The following NIPSNAP3B variants were observed in gnomAD, a reference collection of about 807,000 sequenced individuals.
The protein encoded by NIPSNAP3B is protein NipSnap homolog 3B.
In NIPSNAP3B, 30 loss-of-function variants were observed where a neutral mutation model predicts 31.5. The observed-to-expected ratio is 0.95, with a 90% CI of 0.71 to 1.29. The LOEUF (loss-of-function observed/expected upper bound fraction) is 1.29. NIPSNAP3B is among the 50% of genes most tolerant of loss of function. The pLI is 0.00. For missense variants in NIPSNAP3B, 269 were observed against 300.7 expected (o/e 0.89, Z 0.78); for synonymous variants, 106 against 107.9 (o/e 0.98, Z 0.11).
At chr9:104,784,082 T>G in the NIPSNAP3B span, 7 of 530,246 alleles carry the variant, frequency 1.3e-5, no homozygotes, top group African/African-American at 1.3e-4. Flanking sequence ...AAAAACTAAA[T>G]TCAAGTCTTT....
chr9:104,786,826 A>C, the NIPSNAP3B span: 1 of 1,498,624 alleles, frequency 6.7e-7, no homozygotes, highest in Non-Finnish European at 9.3e-7. Flanking sequence ...TTCTACTTGG[A>C]AAGTTAAAAC....
At chr9:104,785,327 A>C in the NIPSNAP3B span, 16 of 1,596,844 alleles carry the variant, frequency 1.0e-5, no homozygotes, top group Non-Finnish European at 1.4e-5. Context: ...TCTTGGACCT[A>C]TGGGCGGGAG....
In NIPSNAP3B at chr9:104,772,986, T is replaced by C; in HGVS notation, c.668-11T>C. The C allele has an allele frequency of 6.2e-7, 1 of 1,614,120 alleles. No individual in the cohort carries two copies. On this transcript the variant is annotated splice_polypyrimidine_tract_variant and intron_variant, in intron 5 of 5. Transcript: ENST00000374762. ...AATAACTGTATGCCTTCTTATGAAA[T>C]GTTTTTCCAGTTCGGGAAAGTGTCA...
Position 104,777,086 on chromosome 9 carries a change from T to C in NIPSNAP3B, c.*4013T>C, listed in dbSNP as rs1828352868. Reference sequence around the variant, plus strand: ...AATACCATTGTCTGTTGGTTATAAGTTGCTGTCACAGACTATGAAGGTATT... The same window carrying C: ...AATACCATTGTCTGTTGGTTATAAGCTGCTGTCACAGACTATGAAGGTATT... On this transcript the variant is annotated 3_prime_UTR_variant, in exon 6 of 6. Coordinates refer to ENST00000374762, the MANE Select transcript of NIPSNAP3B (RefSeq NM_018376.4). 6.6e-6 allele frequency: 1 copy of C among 152,222 alleles called. No individual in the cohort carries two copies. Among genetic ancestry groups the C allele is most frequent in the Admixed American group, 6.5e-5 (1 of 15,288 alleles). The allele number at this position is 152,222 out of a possible 1,614,324, so 9.4% of individuals were successfully genotyped here.
chr9:104,787,876 C>T, the NIPSNAP3B span: 1 of 1,613,884 alleles, frequency 6.2e-7, no homozygotes, highest in East Asian at 2.2e-5. Flanking sequence ...TCATGTTTTC[C>T]ACTCAGGCCA....
At chr9:104,784,790 C>A in the NIPSNAP3B span, among the ~76,000 whole-genome samples, 127 of 152,222 alleles carry the variant, frequency 8.3e-4, no homozygotes, top group African/African-American at 2.8e-3. Context: ...ACTACAAGTG[C>A]GCACCACCAT....
rs1366408405 is a variant in NIPSNAP3B at position 104,765,335 on chromosome 9, C to T, written c.61-990C>T. ...TGGGTAGTGAGCCTCAGGAAATTGT[C>T]ACATGCTAACCATGCCTAAATGAAT... On this transcript the variant is annotated intron_variant, in intron 1 of 5. Coordinates refer to ENST00000374762, the MANE Select transcript of NIPSNAP3B (RefSeq NM_018376.4). Among the ~76,000 whole-genome samples the T allele has an allele frequency of 2.6e-5, 4 of 152,326 alleles. No homozygotes were observed. In the East Asian group the frequency reaches 5.8e-4, roughly 22 times the overall value.
In NIPSNAP3B at chr9:104,769,040, G is replaced by T. The variant is rs894851776; in HGVS notation, c.430+19G>T. On this transcript the variant is annotated intron_variant, in intron 3 of 5. Transcript: ENST00000374762. ...AAAGAAGGTGAGTTCTTCCCTCTTA[G>T]ACTATGAGTTTTAATGAGTAAAATA... The T allele has an allele frequency of 1.3e-6, 2 of 1,597,112 alleles. No individual in the cohort carries two copies. Among genetic ancestry groups the T allele is most frequent in the South Asian group, 1.1e-5 (1 of 89,352 alleles).
chr9:104,787,117 T>G, the NIPSNAP3B span: 10 of 662,638 alleles, frequency 1.5e-5, no homozygotes, highest in African/African-American at 1.8e-4. Context: ...ATCAAAGAAT[T>G]AGAGTAACTT....
the NIPSNAP3B span, chr9:104,784,551 T>C: frequency 1.4e-6 from 2 of 1,432,962 alleles, no homozygotes; most frequent in Non-Finnish European, 1.9e-6. Context: ...TTAGGTCAAG[T>C]AGGAGCATAC....
rs550090437 is a variant in NIPSNAP3B, at chr9:104,764,700, C to T, written c.60+400C>T. On this transcript the variant is annotated intron_variant, in intron 1 of 5. Coordinates refer to ENST00000374762, the MANE Select transcript of NIPSNAP3B (RefSeq NM_018376.4). ...AATTACAGGCGCCAGCCACCACGCC[C>T]GGCTAATTTTTTTTGTGTTTACTAT... Among the ~76,000 whole-genome samples the T allele has an allele frequency of 3.9e-5, 6 of 152,248 alleles. No individual in the cohort carries two copies. The South Asian group carries it at 1.2e-3, about 32-fold the overall frequency.
chr9:104,773,211 A>AT lies in NIPSNAP3B; in HGVS notation c.*143dup. On this transcript the variant is annotated 3_prime_UTR_variant, in exon 6 of 6. Transcript: ENST00000374762. ...TTAGTTAATTTGCTGTGCTTCTTGC[A>AT]TTTTTGAAAGTTACATATTCTCCAC... The AT allele has an allele frequency of 2.5e-6, 2 of 813,202 alleles. No individual in the cohort carries two copies. The highest frequency in any genetic ancestry group is 3.7e-4 in the Middle Eastern group (1 of 2,734). 50.4% of individuals were successfully genotyped at this position (813,202 alleles called of 1,614,324 possible).
chr9:104,786,879 G>C, the NIPSNAP3B span: 1 of 1,613,340 alleles, frequency 6.2e-7, no homozygotes. Context: ...GGACCTATGA[G>C]ATGTAAGCAC....
chr9:104,786,445 G>T, the NIPSNAP3B span: 1 of 1,467,878 alleles, frequency 6.8e-7, no homozygotes, highest in Non-Finnish European at 9.5e-7. Flanking sequence ...GTAACCATGA[G>T]AACATCACCA....
chr9:104,768,742 C>A (rs1828139843), intron 2 of NIPSNAP3B, 121 bp from the exon 3 acceptor site: 3 of 738,118 alleles, frequency 4.1e-6, no homozygotes, highest in Non-Finnish European at 4.3e-6. Flanking sequence ...GCATCTCCAG[C>A]GACATAATAA....
downstream of NIPSNAP3B, chr9:104,782,504 T>A (rs1277759894): frequency 6.6e-6 from 1 of 152,174 alleles, no homozygotes; most frequent in Non-Finnish European, 1.5e-5. Flanking sequence ...TTTTCTTTTC[T>A]CTCAAGACAG....
the NIPSNAP3B span, chr9:104,788,389 C>G: frequency 1.9e-6 from 3 of 1,613,946 alleles, no homozygotes; most frequent in Admixed American, 5.0e-5. Flanking sequence ...GTCAGGATGC[C>G]AAAGGAGACA....
At chr9:104,779,621 G>GTTTTT (rs11432680), downstream of NIPSNAP3B, among the ~76,000 whole-genome samples, 2 of 147,144 alleles carry the variant, frequency 1.4e-5, no homozygotes, top group African/African-American at 5.0e-5. Context: ...AGCTAAGTGG[G>GTTTTT]TTTTTTTTTT....
chr9:104,765,760 C>G (rs1358499967), intron 1 of NIPSNAP3B, among the ~76,000 whole-genome samples: 1 of 152,196 alleles, frequency 6.6e-6, no homozygotes, highest in Non-Finnish European at 1.5e-5. Context: ...ATATTAGTTA[C>G]ATTCCAGTCC....
Sources: gnomAD v4.1 joint callset for allele counts (sites outside exome capture counted in the v4.1 genomes callset) on GRCh38, gnomAD v4.1.1 for gene constraint, MANE v1.5 for transcripts, NCBI Gene and HGNC (gene_info 2026-07-23, HGNC 2026-07-21) for gene names.